KDM7A: variants seen among roughly 807,000 people sequenced by gnomAD.
KDM7A encodes lysine-specific demethylase 7A.
KDM7A carries 28 observed loss-of-function variants against 114.8 expected under a neutral mutation model. The observed-to-expected ratio is 0.24, with a 90% CI of 0.18 to 0.33. The LOEUF is 0.33. Among genes scored for constraint, KDM7A ranks in the 10% least tolerant of loss-of-function variants. The pLI is 1.00. For missense variants in KDM7A, 942 were observed against 1,142.5 expected, an observed-to-expected ratio of 0.82 and a Z score of 2.53; for synonymous variants, 423 against 397.8, an observed-to-expected ratio of 1.06 and a Z score of -0.75.
At chr7:140,161,710 A>G (rs1794521422) in intron 1 of KDM7A, among the ~76,000 whole-genome samples, 2 of 151,414 alleles carry the variant, frequency 1.3e-5, no homozygotes, top group East Asian at 2.0e-4. Flanking sequence ...ACGCCCAGCT[A>G]ATTTTTTGTA....
At chr7:140,153,187 G>C (rs1319756970) in intron 1 of KDM7A, among the ~76,000 whole-genome samples, 1 of 151,680 alleles carries the variant, frequency 6.6e-6, no homozygotes, top group African/African-American at 2.4e-5. Context: ...GCAAATGTAA[G>C]GAAAATATAG....
chr7:140,099,976 T>C lies in KDM7A; in HGVS notation c.1686A>G (p.Gln562=), dbSNP rs775746811. The C allele has an allele frequency of 4.3e-6, 7 of 1,613,444 alleles. No homozygotes were observed. Among genetic ancestry groups the C allele is most frequent in the South Asian group, 1.1e-5 (1 of 91,072 alleles). Residue 562 remains glutamine (Q), a synonymous_variant, in exon 13 of 20, where the codon CAA becomes CAG. Coordinates refer to ENST00000397560, the MANE Select transcript of KDM7A (RefSeq NM_030647.2). ...KLNGKFNKHL[Q]PSSTVPEWRA... is the part of the protein sequence containing the mutation. The stretch of plus-strand genomic sequence containing the variant: ...TCCATTCAGGTACTGTGGAGGATGG[T>C]TGGAGATGTTTGTTGAATTTTCCAT...
intron 1 of KDM7A, among the ~76,000 whole-genome samples, chr7:140,167,585 T>C (rs544924190): frequency 1.3e-5 from 2 of 152,208 alleles, no homozygotes; most frequent in South Asian, 4.1e-4. Context: ...AAAAATTCTA[T>C]TTATATTTCA....
At chr7:140,135,757 G>GA (rs199802710) in intron 2 of KDM7A, among the ~76,000 whole-genome samples, 1,592 of 151,984 alleles carry the variant, frequency 0.01, 23 homozygotes, top group African/African-American at 0.037. Flanking sequence ...AGAAATGCTA[G>GA]AAAAAAGACC....
At chr7:140,114,473 A>T (rs1237541674) in intron 9 of KDM7A, among the ~76,000 whole-genome samples, 1 of 151,956 alleles carries the variant, frequency 6.6e-6, no homozygotes, top group African/African-American at 2.4e-5. Context: ...CTCAGTGCTC[A>T]ATGTTGCCCA....
At chr7:140,135,417 G>C (rs907702959) in intron 2 of KDM7A, among the ~76,000 whole-genome samples, 1 of 151,944 alleles carries the variant, frequency 6.6e-6, no homozygotes, top group African/African-American at 2.4e-5. Context: ...TGGCCAGGAT[G>C]GTCTCGATCT....
chr7:140,142,070 T>C (rs1794289230), intron 1 of KDM7A, among the ~76,000 whole-genome samples: 1 of 147,876 alleles, frequency 6.8e-6, no homozygotes, highest in Non-Finnish European at 1.5e-5. Flanking sequence ...ATAAAAGATA[T>C]TTATATATCT....
intron 11 of KDM7A, among the ~76,000 whole-genome samples, chr7:140,104,399 G>A (rs192869135): frequency 1.4e-4 from 22 of 152,216 alleles, no homozygotes; most frequent in Middle Eastern, 6.8e-3. Context: ...TGTCCTGAAT[G>A]GTACTGCCTA....
chr7:140,108,501 C>G (rs941982873), intron 11 of KDM7A, among the ~76,000 whole-genome samples: 1 of 152,140 alleles, frequency 6.6e-6, no homozygotes, highest in Non-Finnish European at 1.5e-5. Context: ...TTCTAACAGT[C>G]AAGACCCCTC....
Position 140,126,921 on chromosome 7 carries a change from G to C in KDM7A, c.702-98C>G, listed in dbSNP as rs1818714572. 8 of 852,716 alleles carry C rather than the reference G, an allele frequency of 9.4e-6. No homozygotes were observed. The South Asian group carries it at 1.4e-4, about 15-fold the overall frequency. The allele number at this position is 852,716 out of a possible 1,614,324, so 52.8% of individuals were successfully genotyped here. A position where few individuals can be genotyped will look rare whatever the true frequency, so the allele number is the denominator to read the frequency against. ...CTATTCCCAAACCAAATAATTAAAT[G>C]GAACTTAAGGTTAACAACAACACTT... On this transcript the variant is annotated intron_variant, in intron 5 of 19. Coordinates refer to ENST00000397560, the MANE Select transcript of KDM7A (RefSeq NM_030647.2).
chr7:140,162,256 A>C lies in KDM7A; in HGVS notation c.194+14488T>G, dbSNP rs1455655974. Among the ~76,000 whole-genome samples, 3 of 151,828 alleles carry C rather than the reference A, an allele frequency of 2.0e-5. No homozygotes were observed. In the East Asian group the frequency reaches 5.8e-4, roughly 29 times the overall value. ...AGGCTAAGGCAGGAGAATCGCTTAA[A>C]CCCAGGAGGCGGAAGTTGTGGTGAG... is the stretch of plus-strand genomic sequence containing the variant. On this transcript the variant is annotated intron_variant, in intron 1 of 19. Transcript: ENST00000397560.
chr7:140,097,435 C>G, intron 15 of KDM7A, 110 bp downstream of exon 15: 1 of 641,288 alleles, frequency 1.6e-6, no homozygotes, highest in Non-Finnish European at 2.8e-6. Flanking sequence ...TAATGTAAGT[C>G]AGACAGACAA....
At chr7:140,114,374 T>C (rs113821747) in intron 9 of KDM7A, among the ~76,000 whole-genome samples, 37 of 152,296 alleles carry the variant, frequency 2.4e-4, no homozygotes, top group African/African-American at 7.5e-4. Context: ...TTCGCTGTGT[T>C]GGCCGGGCTG....
At chr7:140,141,366 C>T (rs1301215731) in intron 1 of KDM7A, among the ~76,000 whole-genome samples, 1 of 151,904 alleles carries the variant, frequency 6.6e-6, no homozygotes, top group Non-Finnish European at 1.5e-5. Context: ...AACAAACCCC[C>T]CCCACCCTAA....
chr7:140,120,655 G>C (rs932540263), intron 7 of KDM7A, 126 bp from the exon 8 acceptor site: 2 of 587,678 alleles, frequency 3.4e-6, no homozygotes, highest in Admixed American at 5.5e-5. Context: ...TGCTAGAGAA[G>C]TTAATGTTTA....
At position 140,176,709 on chromosome 7, in the gene KDM7A, G is replaced by T. The variant is rs747831642; in HGVS notation, c.194+35C>A. 3 of 1,207,998 alleles carry T rather than the reference G, an allele frequency of 2.5e-6. No individual in the cohort carries two copies. Among genetic ancestry groups the T allele is most frequent in the South Asian group, 4.5e-5 (2 of 44,680 alleles). The allele number at this position is 1,207,998 out of a possible 1,614,324, so 74.8% of individuals were successfully genotyped here. A position where few individuals can be genotyped will look rare whatever the true frequency, so the allele number is the denominator to read the frequency against. On this transcript the variant is annotated intron_variant, in intron 1 of 19. Transcript: ENST00000397560. This position sits in a 1 kb window ranked among gnomAD's most constrained non-coding sequence, Gnocchi z 4.4. Reference sequence around the variant, plus strand: ...CGGCGGCGGTTGGTCGGTGGCCGGCGGTGGCGGCTGCGGGGCTGGAGGGGG... The same window carrying T: ...CGGCGGCGGTTGGTCGGTGGCCGGCTGTGGCGGCTGCGGGGCTGGAGGGGG...
At chr7:140,162,250 G>A (rs1179867941) in intron 1 of KDM7A, among the ~76,000 whole-genome samples, 2 of 151,712 alleles carry the variant, frequency 1.3e-5, no homozygotes, top group South Asian at 2.1e-4. Context: ...CAGGAGAATC[G>A]CTTAAACCCA....
intron 11 of KDM7A, among the ~76,000 whole-genome samples, chr7:140,106,858 G>A (rs1239910407): frequency 1.3e-5 from 2 of 152,082 alleles, no homozygotes; most frequent in Admixed American, 6.5e-5. Context: ...TTTCTGTCTC[G>A]TTGATCTGTC....
At chr7:140,167,808 A>G (rs188323519) in intron 1 of KDM7A, among the ~76,000 whole-genome samples, 154 of 152,262 alleles carry the variant, frequency 1.0e-3, no homozygotes, top group African/African-American at 3.5e-3. Flanking sequence ...CATGGCAAAA[A>G]AATTACCATA....
Sources: allele counts gnomAD v4.1 joint callset (sites outside exome capture counted in the v4.1 genomes callset), GRCh38; gene constraint gnomAD v4.1.1; non-coding constraint Gnocchi (gnomAD v3.1); transcripts MANE v1.5; gene names NCBI Gene and HGNC (gene_info 2026-07-23, HGNC 2026-07-21).